The following LRRC7 variants were observed in gnomAD, a reference collection of about 807,000 sequenced individuals.
The protein encoded by LRRC7 is leucine rich repeat containing 7, also known as leucine-rich repeat-containing protein 7.
In LRRC7, 23 loss-of-function variants were observed where a neutral mutation model predicts 175.7. That is an observed-to-expected ratio of 0.13 (90% CI 0.09 to 0.19). LRRC7 has a LOEUF of 0.19. Ranked by LOEUF, LRRC7 falls within the 10% of genes least tolerant of loss-of-function variation. The pLI is 1.00. For synonymous variants in LRRC7, 685 were observed against 680.9 expected, an observed-to-expected ratio of 1.01 and a Z score of -0.09; for missense variants, 1,354 against 1,904.7, an observed-to-expected ratio of 0.71 and a Z score of 5.38.
chr1:69,833,060 G>C (rs1050462193), intron 5 of LRRC7, among the ~76,000 whole-genome samples: 2 of 148,812 alleles, frequency 1.3e-5, no homozygotes, highest in Non-Finnish European at 3.0e-5. Flanking sequence ...AGCCGAGATT[G>C]CACCATTGCA....
chr1:69,593,432 T>G (rs1210486708), intron 1 of LRRC7, among the ~76,000 whole-genome samples: 1 of 152,090 alleles, frequency 6.6e-6, no homozygotes, highest in Non-Finnish European at 1.5e-5. Context: ...TATTTCAAAT[T>G]TATTCCTAAG....
At chr1:69,929,847 A>G (rs569536123) in intron 7 of LRRC7, among the ~76,000 whole-genome samples, 1 of 152,160 alleles carries the variant, frequency 6.6e-6, no homozygotes, top group African/African-American at 2.4e-5. Context: ...GTAAGATCGC[A>G]TATTATGCAA....
At chr1:70,009,886 A>T (rs1266057308) in intron 11 of LRRC7, among the ~76,000 whole-genome samples, 1 of 152,150 alleles carries the variant, frequency 6.6e-6, no homozygotes, top group Non-Finnish European at 1.5e-5. Context: ...ACCCATGGAC[A>T]GTGGTACTTG....
intron 2 of LRRC7, among the ~76,000 whole-genome samples, chr1:69,684,878 A>G (rs1660938379): frequency 6.6e-6 from 1 of 152,218 alleles, no homozygotes; most frequent in Non-Finnish European, 1.5e-5. Context: ...TCACCTGCAG[A>G]AACAGAACAG....
intron 1 of LRRC7, among the ~76,000 whole-genome samples, chr1:69,630,439 G>A (rs988055936): frequency 6.6e-6 from 1 of 152,096 alleles, no homozygotes; most frequent in Non-Finnish European, 1.5e-5. Context: ...CTTATAAAAT[G>A]TCTGTAATGA....
rs116309804 is a variant in LRRC7, at chr1:70,059,725, G to A, written c.4230+6580G>A. On this transcript the variant is annotated intron_variant, in intron 23 of 26. Transcript: ENST00000651989. Reference sequence around the variant, plus strand: ...CTTCTTTCTATAAAAATTTAGAAAGGTAAGATCTAAAATATCTTTTGAAAA... The same window carrying A: ...CTTCTTTCTATAAAAATTTAGAAAGATAAGATCTAAAATATCTTTTGAAAA... Among the ~76,000 whole-genome samples the A allele has an allele frequency of 5.4e-3, 820 of 151,868 alleles. 6 individuals carry two copies. The highest frequency in any genetic ancestry group is 0.019 in the African/African-American group (774 of 41,408).
In LRRC7 at chr1:69,984,516, A is replaced by G. The variant is rs1044372324; in HGVS notation, c.787-1726A>G. ...TGTGTGGAACATTTATTTACAAAACATGCCCTAAAGGAAAAGGAAAATGAG... is the reference window on the plus strand; with the variant it reads ...TGTGTGGAACATTTATTTACAAAACGTGCCCTAAAGGAAAAGGAAAATGAG... On this transcript the variant is annotated intron_variant, in intron 9 of 26. Transcript: ENST00000651989. Among the ~76,000 whole-genome samples, 4 of 152,328 alleles carry G rather than the reference A, an allele frequency of 2.6e-5. No homozygotes were observed. The South Asian group carries it at 6.2e-4, about 24-fold the overall frequency.
At chr1:69,797,489 T>G (rs967298569) in intron 4 of LRRC7, among the ~76,000 whole-genome samples, 6 of 152,212 alleles carry the variant, frequency 3.9e-5, no homozygotes, top group Non-Finnish European at 7.3e-5. Flanking sequence ...AATGTTACTA[T>G]GATCTACTCA....
At chr1:69,803,987 T>G (rs2101107916) in intron 4 of LRRC7, among the ~76,000 whole-genome samples, 1 of 151,424 alleles carries the variant, frequency 6.6e-6, no homozygotes, top group Admixed American at 6.6e-5. Flanking sequence ...TATTATTTGG[T>G]TTGTTTATTG....
intron 5 of LRRC7, among the ~76,000 whole-genome samples, chr1:69,833,171 A>C (rs2101313429): frequency 6.6e-6 from 1 of 152,222 alleles, no homozygotes; most frequent in Middle Eastern, 3.4e-3. Context: ...TTATTCATAC[A>C]GTGGAATACT....
intron 1 of LRRC7, chr1:69,607,629 G>T (rs1647821176): frequency 6.6e-6 from 1 of 151,990 alleles, no homozygotes; most frequent in South Asian, 2.1e-4. Context: ...GGTTAATTTT[G>T]TCCTTATTTC....
chr1:69,944,184 T>C (rs1649054931), intron 8 of LRRC7, among the ~76,000 whole-genome samples: 2 of 152,072 alleles, frequency 1.3e-5, no homozygotes, highest in Non-Finnish European at 2.9e-5. Context: ...CTTCTATGGG[T>C]TTGACTTTTT....
intron 1 of LRRC7, among the ~76,000 whole-genome samples, chr1:69,616,215 G>T (rs1649591689): frequency 6.6e-6 from 1 of 151,948 alleles, no homozygotes; most frequent in Non-Finnish European, 1.5e-5. Context: ...AAAATTTAAT[G>T]TCAATTTTAA....
At chr1:69,829,010 T>C (rs1489684939) in intron 5 of LRRC7, among the ~76,000 whole-genome samples, 1 of 151,992 alleles carries the variant, frequency 6.6e-6, no homozygotes, top group Non-Finnish European at 1.5e-5. Flanking sequence ...ATTATGAAAG[T>C]ATTTAAAATA....
chr1:69,640,192 C>A lies in LRRC7; in HGVS notation c.3-38189C>A, dbSNP rs1426492064. On this transcript the variant is annotated intron_variant, in intron 1 of 26. Transcript: ENST00000651989. ...AGTTTTTAACGGTACCAGATAACAT[C>A]CATTTCACTGTCTTAAGGGAGATTT... 2.0e-5 allele frequency among the ~76,000 whole-genome samples: 3 copies of A among 151,680 alleles called. No individual in the cohort carries two copies. In the Admixed American group the frequency reaches 2.0e-4, roughly 10 times the overall value.
At chr1:69,624,423 TTC>T (rs1651146885) in intron 1 of LRRC7, among the ~76,000 whole-genome samples, 1 of 152,136 alleles carries the variant, frequency 6.6e-6, no homozygotes, top group African/African-American at 2.4e-5. Context: ...CACATAAATA[TTC>T]TATATTGATT....
intron 23 of LRRC7, among the ~76,000 whole-genome samples, chr1:70,062,355 A>C (rs1245407038): frequency 6.6e-6 from 1 of 152,236 alleles, no homozygotes; most frequent in African/African-American, 2.4e-5. Flanking sequence ...CTTTTACGTA[A>C]CTTTGCCAGT....
intron 2 of LRRC7, among the ~76,000 whole-genome samples, chr1:69,732,225 T>C (rs1278380418): frequency 6.6e-6 from 1 of 152,086 alleles, no homozygotes; most frequent in Non-Finnish European, 1.5e-5. Flanking sequence ...AAAAGCTAAA[T>C]ATTTTTTTAA....
At chr1:69,746,600 C>T (rs891936275) in intron 2 of LRRC7, among the ~76,000 whole-genome samples, 15 of 151,804 alleles carry the variant, frequency 9.9e-5, no homozygotes, top group African/African-American at 3.6e-4. Context: ...CTGTACAAAA[C>T]AGAATTTTAC....
Sources: gnomAD v4.1 joint callset for allele counts (sites outside exome capture counted in the v4.1 genomes callset) on GRCh38, gnomAD v4.1.1 for gene constraint, MANE v1.5 for transcripts, NCBI Gene and HGNC (gene_info 2026-07-23, HGNC 2026-07-21) for gene names.